The following LRRC4C variants were observed in gnomAD, a reference collection of about 807,000 sequenced individuals.
LRRC4C encodes the protein leucine rich repeat containing 4C.
Under a neutral mutation model 33.6 loss-of-function variants are expected in LRRC4C, and 5 were observed. That is an observed-to-expected ratio of 0.15 (90% confidence interval 0.08 to 0.31). The LOEUF (loss-of-function observed/expected upper bound fraction) is 0.31, where lower values mean the gene tolerates loss of function less well. Among genes scored for constraint, LRRC4C ranks in the 10% least tolerant of loss-of-function variants. The probability of loss-of-function intolerance (pLI) is 1.00; values close to 1 mark genes in which losing one functional copy is unlikely to be tolerated. For synonymous variants in LRRC4C, 329 were observed against 302.0 expected, an observed-to-expected ratio of 1.09 and a Z score of -0.93; for missense variants, 560 against 796.7, an observed-to-expected ratio of 0.70 and a Z score of 3.58.
intron 2 of LRRC4C, among the ~76,000 whole-genome samples, chr11:40,697,653 C>G (rs1436822941): frequency 6.6e-6 from 1 of 152,124 alleles, no homozygotes; most frequent in African/African-American, 2.4e-5. Flanking sequence ...AGCTTACTCC[C>G]TTTAAGTATT....
chr11:41,164,881 G>A lies in LRRC4C; in HGVS notation c.-495-231158C>T, dbSNP rs1173603366. ...CTAAGCCCAGGTCATAAAATCCCTCGTGGCTTGGATAGAATCCAGGGCTCG... is the reference window on the plus strand; with the variant it reads ...CTAAGCCCAGGTCATAAAATCCCTCATGGCTTGGATAGAATCCAGGGCTCG... On this transcript the variant is annotated intron_variant, in intron 1 of 6. Transcript: ENST00000528697. 5.9e-5 allele frequency among the ~76,000 whole-genome samples: 9 copies of A among 152,174 alleles called. 1 individual carries two copies. The South Asian group carries it at 1.0e-3, about 18-fold the overall frequency.
intron 2 of LRRC4C, among the ~76,000 whole-genome samples, chr11:40,809,795 GGTT>G (rs1296978505): frequency 5.3e-5 from 8 of 152,086 alleles, no homozygotes; most frequent in African/African-American, 1.9e-4. Flanking sequence ...AGTAAATGGT[GGTT>G]GTTATTAAAT....
intron 3 of LRRC4C, among the ~76,000 whole-genome samples, chr11:40,437,771 G>A (rs753844317): frequency 1.4e-4 from 22 of 151,918 alleles, no homozygotes; most frequent in Non-Finnish European, 2.5e-4. Context: ...GCAGTGGCAC[G>A]ATCTCGGCTT....
chr11:40,136,632 CTGTGAAGGCA>C (rs1216513343), intron 6 of LRRC4C, among the ~76,000 whole-genome samples: 1 of 152,096 alleles, frequency 6.6e-6, no homozygotes, highest in Admixed American at 6.5e-5. Flanking sequence ...CCAAGATGAC[CTGTGAAGGCA>C]TGGAAGAAAA....
intron 1 of LRRC4C, among the ~76,000 whole-genome samples, chr11:41,362,258 G>A (rs1413911366): frequency 1.3e-5 from 2 of 151,994 alleles, no homozygotes; most frequent in African/African-American, 4.8e-5. Flanking sequence ...TTTCTTGGGG[G>A]ACAACAGCAT....
chr11:41,208,588 CAGG>C (rs779994639), intron 1 of LRRC4C, among the ~76,000 whole-genome samples: 5 of 152,156 alleles, frequency 3.3e-5, no homozygotes, highest in African/African-American at 4.8e-5. Context: ...CAGGGGCTAT[CAGG>C]AGTAGAAACA....
At chr11:40,260,255 G>C (rs1867592487) in intron 4 of LRRC4C, among the ~76,000 whole-genome samples, 1 of 130,772 alleles carries the variant, frequency 7.6e-6, no homozygotes, top group Non-Finnish European at 1.6e-5. Flanking sequence ...TCCTTTGTAG[G>C]GACATGGATG....
chr11:40,546,905 T>G (rs1251580354), intron 3 of LRRC4C, among the ~76,000 whole-genome samples: 1 of 152,140 alleles, frequency 6.6e-6, no homozygotes, highest in Non-Finnish European at 1.5e-5. Context: ...AAGCCCAAGC[T>G]CTTTCTCATA....
intron 2 of LRRC4C, among the ~76,000 whole-genome samples, chr11:40,761,314 G>T (rs1213325235): frequency 6.6e-6 from 1 of 152,052 alleles, no homozygotes; most frequent in Admixed American, 6.6e-5. Context: ...CTTTTGCAGG[G>T]TTAAATAGGA....
chr11:40,249,136 A>T (rs947614954), intron 4 of LRRC4C, among the ~76,000 whole-genome samples: 6 of 152,100 alleles, frequency 3.9e-5, no homozygotes, highest in African/African-American at 1.4e-4. Flanking sequence ...TCAGGAGTTC[A>T]ATACCAGACT....
At chr11:40,215,548 C>T (rs1863914075) in intron 5 of LRRC4C, among the ~76,000 whole-genome samples, 1 of 152,180 alleles carries the variant, frequency 6.6e-6, no homozygotes, top group Admixed American at 6.5e-5. Flanking sequence ...AGGGGTTCCA[C>T]TGATTAGCTG....
chr11:40,560,371 T>G (rs1187696482), intron 3 of LRRC4C, among the ~76,000 whole-genome samples: 2 of 152,070 alleles, frequency 1.3e-5, no homozygotes, highest in Admixed American at 6.6e-5. Context: ...ACGGACTTCC[T>G]AGAACACCAT....
At chr11:40,988,496 A>G (rs1413930969) in intron 1 of LRRC4C, among the ~76,000 whole-genome samples, 1 of 152,072 alleles carries the variant, frequency 6.6e-6, no homozygotes, top group Non-Finnish European at 1.5e-5. Flanking sequence ...AATAAAACTA[A>G]GCTTACTATG....
At chr11:40,696,557 C>T (rs943319029) in intron 2 of LRRC4C, among the ~76,000 whole-genome samples, 4 of 148,894 alleles carry the variant, frequency 2.7e-5, no homozygotes, top group Non-Finnish European at 5.9e-5. Context: ...TTTTTATTGA[C>T]TCCCATGGCT....
intron 3 of LRRC4C, among the ~76,000 whole-genome samples, chr11:40,389,072 G>C (rs1949230743): frequency 6.6e-6 from 1 of 152,128 alleles, no homozygotes; most frequent in African/African-American, 2.4e-5. Flanking sequence ...TTTGAGTACT[G>C]TACTGGATGC....
chr11:40,929,398 A>C (rs912740024), intron 2 of LRRC4C, among the ~76,000 whole-genome samples: 2 of 152,176 alleles, frequency 1.3e-5, no homozygotes, highest in African/African-American at 4.8e-5. Flanking sequence ...GCATACGAAT[A>C]AAAATAAATA....
At chr11:40,397,436 A>C (rs1949586599) in intron 3 of LRRC4C, among the ~76,000 whole-genome samples, 1 of 152,148 alleles carries the variant, frequency 6.6e-6, no homozygotes, top group Admixed American at 6.6e-5. Context: ...CGTTTTAAAA[A>C]CTTAGAGACT....
chr11:40,205,332 G>A (rs1178014738), intron 5 of LRRC4C, among the ~76,000 whole-genome samples: 2 of 152,100 alleles, frequency 1.3e-5, no homozygotes, highest in East Asian at 3.9e-4. Context: ...TTTCAGTAAT[G>A]TTTTCTTAAC....
chr11:41,001,860 GAC>G (rs1456091043), intron 1 of LRRC4C, among the ~76,000 whole-genome samples: 2 of 100,526 alleles, frequency 2.0e-5, no homozygotes, highest in Non-Finnish European at 4.3e-5. Flanking sequence ...GATGGTCTGT[GAC>G]ATTTTTTTTT....
Sources: allele counts gnomAD v4.1 joint callset (sites outside exome capture counted in the v4.1 genomes callset), GRCh38; gene constraint gnomAD v4.1.1; transcripts MANE v1.5; gene names NCBI Gene and HGNC (gene_info 2026-07-23, HGNC 2026-07-21).